The following CNTLN variants were observed in gnomAD, a reference collection of about 807,000 sequenced individuals.
CNTLN encodes centlein.
A neutral mutation model predicts 180.0 loss-of-function variants in CNTLN; 212 were observed. The ratio of observed to expected loss-of-function variants is 1.18; its 90% CI spans 1.05 to 1.32. The LOEUF is 1.32. Ranked by LOEUF, CNTLN falls within the 40% of genes most tolerant of loss-of-function variation. The pLI is 0.00. For synonymous variants in CNTLN, 722 were observed against 563.1 expected, an observed-to-expected ratio of 1.28 and a Z score of -3.99; for missense variants, 2,095 against 1,610.9, an observed-to-expected ratio of 1.30 and a Z score of -5.14.
chr9:17,192,309 G>A (rs1318495327), intron 2 of CNTLN, among the ~76,000 whole-genome samples: 2 of 148,798 alleles, frequency 1.3e-5, no homozygotes, highest in African/African-American at 5.0e-5. Flanking sequence ...CGCCATCTCG[G>A]CTCACTGCAA....
intron 4 of CNTLN, 102 bp downstream of exon 4, chr9:17,235,894 A>C: frequency 7.6e-7 from 1 of 1,318,582 alleles, no homozygotes; most frequent in South Asian, 1.5e-5. Context: ...TTGGAGGAAA[A>C]ATTGCCTTAG....
rs905035897 is a variant in CNTLN, at chr9:17,314,218, G to A, written c.1341+4966G>A. On this transcript the variant is annotated intron_variant, in intron 8 of 25. Transcript: ENST00000380647. ...AGTTAAAATAGCTCCTTTAAAATCC[G>A]TATTTTCCTTCTCTATTGGGTCTTC... Among the ~76,000 whole-genome samples the A allele has an allele frequency of 3.9e-5, 6 of 152,000 alleles. No individual in the cohort carries two copies. In the East Asian group the frequency reaches 7.7e-4, roughly 20 times the overall value.
intron 2 of CNTLN, among the ~76,000 whole-genome samples, chr9:17,146,161 C>G (rs1818446329): frequency 3.9e-5 from 6 of 152,120 alleles, no homozygotes; most frequent in African/African-American, 2.4e-5. Flanking sequence ...GTGGGCCTTT[C>G]CATTTCAAAA....
intron 5 of CNTLN, among the ~76,000 whole-genome samples, chr9:17,259,436 C>CT (rs551283642): frequency 0.012 from 1,781 of 144,414 alleles, 84 homozygotes; most frequent in Admixed American, 0.068. Flanking sequence ...CTAAAATTCT[C>CT]TTTTTTTGTT....
chr9:17,178,411 G>A (rs1003011973), intron 2 of CNTLN, among the ~76,000 whole-genome samples: 9 of 152,222 alleles, frequency 5.9e-5, no homozygotes, highest in African/African-American at 1.4e-4. Context: ...CCCTGTGCCC[G>A]CACTCCTCAG....
At chr9:17,306,868 A>G (rs961197975) in intron 7 of CNTLN, among the ~76,000 whole-genome samples, 1 of 152,178 alleles carries the variant, frequency 6.6e-6, no homozygotes, top group Non-Finnish European at 1.5e-5. Context: ...TTCATTGAAA[A>G]AATGACTATG....
chr9:17,443,610 C>T (rs537886893), intron 18 of CNTLN, among the ~76,000 whole-genome samples: 1 of 152,126 alleles, frequency 6.6e-6, no homozygotes, highest in Non-Finnish European at 1.5e-5. Context: ...ACGTTCATAG[C>T]TTCAACTGTA....
At chr9:17,274,659 A>G (rs72700198) in intron 6 of CNTLN, among the ~76,000 whole-genome samples, 8,671 of 152,124 alleles carry the variant, frequency 0.057, 392 homozygotes, top group Non-Finnish European at 0.086. Flanking sequence ...TTGATTGTAT[A>G]ATTTATTTTA....
chr9:17,312,077 T>C (rs1819173836), intron 8 of CNTLN, among the ~76,000 whole-genome samples: 1 of 152,012 alleles, frequency 6.6e-6, no homozygotes, highest in Admixed American at 6.6e-5. Flanking sequence ...GTAATGTAAG[T>C]TACTTTATTC....
intron 7 of CNTLN, chr9:17,301,419 A>G (rs1818341633): frequency 4.1e-6 from 4 of 985,298 alleles, no homozygotes; most frequent in Non-Finnish European, 4.8e-6. Flanking sequence ...AAAATAAAAG[A>G]GAACAAACTG....
At chr9:17,458,224 A>T (rs1162932983) in intron 19 of CNTLN, among the ~76,000 whole-genome samples, 1 of 151,624 alleles carries the variant, frequency 6.6e-6, no homozygotes, top group African/African-American at 2.4e-5. Context: ...GAGGAGAGAA[A>T]AAAAAAAAAA....
At chr9:17,216,889 C>T (rs1823794967) in intron 2 of CNTLN, among the ~76,000 whole-genome samples, 1 of 152,178 alleles carries the variant, frequency 6.6e-6, no homozygotes, top group Non-Finnish European at 1.5e-5. Flanking sequence ...CAGAATTATG[C>T]CATCTGGTAG....
chr9:17,250,415 G>A (rs1826067123), intron 5 of CNTLN, among the ~76,000 whole-genome samples: 1 of 151,670 alleles, frequency 6.6e-6, no homozygotes, highest in East Asian at 1.9e-4. Flanking sequence ...TCTTTTTACA[G>A]CTTTTTATGT....
At chr9:17,502,232 T>C (rs1833788457) in intron 25 of CNTLN, among the ~76,000 whole-genome samples, 1 of 152,250 alleles carries the variant, frequency 6.6e-6, no homozygotes, top group African/African-American at 2.4e-5. Context: ...TGTAACCTAC[T>C]ATTGATCAGC....
At chr9:17,417,275 C>A (rs1233697518) in intron 18 of CNTLN, among the ~76,000 whole-genome samples, 2 of 152,058 alleles carry the variant, frequency 1.3e-5, no homozygotes, top group Non-Finnish European at 2.9e-5. Flanking sequence ...CTAGAATTTT[C>A]TTTTCTTCTC....
intron 15 of CNTLN, among the ~76,000 whole-genome samples, chr9:17,405,299 C>T (rs1002661299): frequency 7.3e-5 from 11 of 151,718 alleles, no homozygotes; most frequent in South Asian, 6.2e-4. Context: ...AGTCAGTGGA[C>T]ATTTTGTGTT....
intron 2 of CNTLN, among the ~76,000 whole-genome samples, chr9:17,196,271 G>A (rs943930063): frequency 6.6e-6 from 1 of 152,090 alleles, no homozygotes; most frequent in Non-Finnish European, 1.5e-5. Context: ...TGATCCACCT[G>A]CCTCGGCCTC....
At chr9:17,181,186 G>C (rs1243774211) in intron 2 of CNTLN, among the ~76,000 whole-genome samples, 2 of 152,082 alleles carry the variant, frequency 1.3e-5, no homozygotes, top group African/African-American at 4.8e-5. Context: ...GTAAATATTA[G>C]ATCTTTGACA....
At chr9:17,239,739 T>C (rs569608439) in intron 5 of CNTLN, among the ~76,000 whole-genome samples, 4 of 152,200 alleles carry the variant, frequency 2.6e-5, no homozygotes, top group Non-Finnish European at 5.9e-5. Flanking sequence ...TTTTCCCCAC[T>C]GAATTGTCTT....
Sources: allele counts gnomAD v4.1 joint callset (sites outside exome capture counted in the v4.1 genomes callset), GRCh38; gene constraint gnomAD v4.1.1; transcripts MANE v1.5; gene names NCBI Gene and HGNC (gene_info 2026-07-23, HGNC 2026-07-21).